Variants in SYNPO2 observed in about 807,000 individuals in gnomAD.
SYNPO2 encodes synaptopodin 2.
Under a neutral mutation model 85.0 loss-of-function variants are expected in SYNPO2, and 56 were observed. That is an observed-to-expected ratio of 0.66 (90% CI 0.53 to 0.82). The LOEUF is 0.82. SYNPO2 is among the 40% of genes least tolerant of loss of function. The probability of loss-of-function intolerance (pLI) is 0.00; values close to 1 mark genes in which losing one functional copy is unlikely to be tolerated. For synonymous variants in SYNPO2, 602 were observed against 591.1 expected, an observed-to-expected ratio of 1.02 and a Z score of -0.27; for missense variants, 1,575 against 1,534.2, an observed-to-expected ratio of 1.03 and a Z score of -0.44.
chr4:119,025,075 C>T (rs978857027), intron 2 of SYNPO2, among the ~76,000 whole-genome samples: 2 of 152,140 alleles, frequency 1.3e-5, no homozygotes, highest in Admixed American at 6.6e-5. Context: ...AAGCTTTATT[C>T]GCTCATGCTT....
At chr4:118,978,044 A>G (rs1441773976) in intron 1 of SYNPO2, among the ~76,000 whole-genome samples, 2 of 152,220 alleles carry the variant, frequency 1.3e-5, no homozygotes, top group Admixed American at 6.5e-5. Flanking sequence ...AGGGAATTAT[A>G]TGCTACTGTA....
intron 1 of SYNPO2, among the ~76,000 whole-genome samples, chr4:118,995,443 A>T (rs773412332): frequency 1.3e-4 from 20 of 152,192 alleles, no homozygotes; most frequent in Admixed American, 2.0e-4. Context: ...TATTCCTCTC[A>T]AAAACCCCAT....
At chr4:118,937,396 A>G (rs932260613) in intron 1 of SYNPO2, among the ~76,000 whole-genome samples, 3 of 151,970 alleles carry the variant, frequency 2.0e-5, no homozygotes, top group Admixed American at 2.0e-4. Context: ...TTAATTCTCA[A>G]CCAGTGTCGT....
At chr4:118,927,738 AG>A (rs1260904929) in intron 1 of SYNPO2, among the ~76,000 whole-genome samples, 5 of 134,220 alleles carry the variant, frequency 3.7e-5, no homozygotes, top group African/African-American at 1.5e-4. Context: ...ATAGATAGAT[AG>A]ATAGATAGAT....
chr4:118,900,293 G>T (rs1275281528), intron 1 of SYNPO2, among the ~76,000 whole-genome samples: 1 of 152,068 alleles, frequency 6.6e-6, no homozygotes, highest in African/African-American at 2.4e-5. Context: ...ATATATGTCA[G>T]GTGACCAGCA....
At chr4:118,931,195 T>C (rs1425869189) in intron 1 of SYNPO2, among the ~76,000 whole-genome samples, 2 of 151,992 alleles carry the variant, frequency 1.3e-5, no homozygotes, top group Admixed American at 6.6e-5. Context: ...ATTCTCACAA[T>C]AAACCTCAGA....
At chr4:118,868,596 T>C (rs1211499412) in intron 1 of SYNPO2, among the ~76,000 whole-genome samples, 2 of 152,168 alleles carry the variant, frequency 1.3e-5, no homozygotes, top group South Asian at 2.1e-4. Context: ...TTATTCCCAA[T>C]AATCTTAATT....
chr4:118,934,765 A>G (rs1172722473), intron 1 of SYNPO2, among the ~76,000 whole-genome samples: 3 of 152,208 alleles, frequency 2.0e-5, no homozygotes. Flanking sequence ...TTAAGCAAAA[A>G]TGGTCATTTA....
chr4:118,886,201 C>T (rs1732196126), upstream of SYNPO2, among the ~76,000 whole-genome samples: 1 of 152,002 alleles, frequency 6.6e-6, no homozygotes, highest in Admixed American at 6.5e-5. Flanking sequence ...GTAAAAAGAA[C>T]AAATATGAAA....
intron 4 of SYNPO2, chr4:119,034,721 C>T (rs771921518): frequency 1.6e-4 from 158 of 985,392 alleles, no homozygotes; most frequent in Admixed American, 2.5e-4. Context: ...CTAACCAGCT[C>T]CCTGGAGTAA....
chr4:119,004,584 C>T (rs1204446317), intron 1 of SYNPO2, among the ~76,000 whole-genome samples: 1 of 148,372 alleles, frequency 6.7e-6, no homozygotes, highest in Non-Finnish European at 1.5e-5. Context: ...GCATAGTATT[C>T]CATGGGGTAT....
Position 119,058,060 on chromosome 4 carries a change from A to G in SYNPO2, c.*126A>G. 9.6e-7 allele frequency: 1 copy of G among 1,037,588 alleles called. No homozygotes were observed. Among genetic ancestry groups the G allele is most frequent in the Non-Finnish European group, 1.4e-6 (1 of 730,460 alleles). The allele number at this position is 1,037,588 out of a possible 1,614,324, so 64.3% of individuals were successfully genotyped here. On this transcript the variant is annotated 3_prime_UTR_variant, in exon 5 of 5. Coordinates refer to ENST00000307142, the MANE Select transcript of SYNPO2 (RefSeq NM_133477.3). ...CTTGGCTTGTTCTCATAAGTCATTT[A>G]TCTAAGTTTGTGTTTCTGTGTGTGT...
intron 1 of SYNPO2, among the ~76,000 whole-genome samples, chr4:118,879,018 C>T (rs931495215): frequency 6.6e-6 from 1 of 152,118 alleles, no homozygotes; most frequent in African/African-American, 2.4e-5. Context: ...ACCATGAACC[C>T]ACAGGGAGGA....
intron 1 of SYNPO2, among the ~76,000 whole-genome samples, chr4:118,962,398 G>T (rs1735133579): frequency 6.6e-6 from 1 of 152,238 alleles, no homozygotes; most frequent in Admixed American, 6.5e-5. Context: ...TTCCTGCAAA[G>T]CAAAATATAA....
chr4:118,857,388 G>C (rs2110563125), intron 1 of SYNPO2, among the ~76,000 whole-genome samples: 1 of 152,058 alleles, frequency 6.6e-6, no homozygotes, highest in East Asian at 1.9e-4. Flanking sequence ...CTGAGGACAG[G>C]ACAAAGGTAA....
chr4:118,854,239 A>G (rs1034259076), intron 1 of SYNPO2, among the ~76,000 whole-genome samples: 1 of 152,252 alleles, frequency 6.6e-6, no homozygotes, highest in African/African-American at 2.4e-5. Flanking sequence ...TCATGATTTA[A>G]CATGTACAGC....
intron 1 of SYNPO2, among the ~76,000 whole-genome samples, chr4:118,985,686 T>A (rs1426424674): frequency 6.6e-6 from 1 of 152,256 alleles, no homozygotes; most frequent in Non-Finnish European, 1.5e-5. Context: ...TCAATGCCAA[T>A]TAGGCATCTA....
chr4:118,973,366 G>C (rs1046119629), intron 1 of SYNPO2, among the ~76,000 whole-genome samples: 6 of 151,562 alleles, frequency 4.0e-5, no homozygotes, highest in African/African-American at 1.5e-4. Context: ...CTTGCACTAA[G>C]TGTGTGCACA....
At chr4:118,865,560 A>G (rs1485558599) in intron 1 of SYNPO2, among the ~76,000 whole-genome samples, 1 of 152,238 alleles carries the variant, frequency 6.6e-6, no homozygotes, top group African/African-American at 2.4e-5. Flanking sequence ...AACAGTGTCA[A>G]GGGTTATGAC....
Sources: gnomAD v4.1 joint callset for allele counts (sites outside exome capture counted in the v4.1 genomes callset) on GRCh38, gnomAD v4.1.1 for gene constraint, MANE v1.5 for transcripts, NCBI Gene and HGNC (gene_info 2026-07-23, HGNC 2026-07-21) for gene names.